The following CCDC102B variants were observed in gnomAD, a reference collection of about 807,000 sequenced individuals.
The protein encoded by CCDC102B is coiled-coil domain containing 102B.
Under a neutral mutation model 57.4 loss-of-function variants are expected in CCDC102B, and 75 were observed. The ratio of observed to expected loss-of-function variants is 1.31; its 90% CI spans 1.08 to 1.58. CCDC102B has a LOEUF of 1.58. Among genes scored for constraint, CCDC102B ranks in the 40% most tolerant of loss-of-function variants. CCDC102B has a pLI of 0.00. For synonymous variants in CCDC102B, 206 were observed against 201.9 expected (o/e 1.02, Z -0.17); for missense variants, 636 against 582.6 (o/e 1.09, Z -0.94).
intron 5 of CCDC102B, among the ~76,000 whole-genome samples, chr18:68,896,185 T>C (rs886169357): frequency 6.6e-6 from 1 of 151,994 alleles, no homozygotes; most frequent in Admixed American, 6.6e-5. Context: ...CTACTTACAA[T>C]GTCCACAGAA....
chr18:68,979,841 A>G (rs2050533322), intron 6 of CCDC102B, among the ~76,000 whole-genome samples: 1 of 152,002 alleles, frequency 6.6e-6, no homozygotes, highest in Non-Finnish European at 1.5e-5. Context: ...AGTGGCTAAA[A>G]GGCCTAAAAA....
chr18:68,814,348 G>C (rs1041701679), intron 1 of CCDC102B, among the ~76,000 whole-genome samples: 2 of 151,844 alleles, frequency 1.3e-5, no homozygotes, highest in Non-Finnish European at 2.9e-5. Flanking sequence ...ATTCAATTTA[G>C]AGCATCTCTG....
At chr18:68,723,280 G>A (rs1293999450) in intron 2 of CCDC102B, among the ~76,000 whole-genome samples, 1 of 152,050 alleles carries the variant, frequency 6.6e-6, no homozygotes, top group African/African-American at 2.4e-5. Context: ...ATGAGATTTG[G>A]GTGGGGACAC....
At chr18:69,011,133 G>C (rs764007664) in intron 7 of CCDC102B, 29 bp downstream of exon 7, 1 of 1,590,662 alleles carries the variant, frequency 6.3e-7, no homozygotes, top group South Asian at 1.1e-5. Flanking sequence ...ACACGTGCTG[G>C]ACAGCTTCTA....
chr18:68,818,033 T>G (rs1387524174), intron 1 of CCDC102B, among the ~76,000 whole-genome samples: 1 of 152,222 alleles, frequency 6.6e-6, no homozygotes, highest in Non-Finnish European at 1.5e-5. Context: ...TTCATTACTA[T>G]TTTGTATTTT....
chr18:68,798,735 G>A (rs755255815), intron 1 of CCDC102B, among the ~76,000 whole-genome samples: 43 of 152,174 alleles, frequency 2.8e-4, no homozygotes, highest in Non-Finnish European at 5.6e-4. Context: ...CCTGTATAGT[G>A]TGGAGGAGAC....
intron 6 of CCDC102B, among the ~76,000 whole-genome samples, chr18:68,898,146 A>G (rs1401407049): frequency 6.6e-6 from 1 of 152,016 alleles, no homozygotes; most frequent in African/African-American, 2.4e-5. Flanking sequence ...TGTGCTGTAA[A>G]TTATATTTAC....
intron 5 of CCDC102B, 29 bp from the exon 6 acceptor site, chr18:68,897,190 T>C (rs1349726019): frequency 6.3e-7 from 1 of 1,579,700 alleles, no homozygotes; most frequent in Admixed American, 1.8e-5. Flanking sequence ...AAATGCTGCA[T>C]GCTGCTTCTT....
intron 6 of CCDC102B, among the ~76,000 whole-genome samples, chr18:68,961,856 T>G (rs1174000995): frequency 3.9e-5 from 6 of 152,132 alleles, no homozygotes; most frequent in African/African-American, 1.4e-4. Context: ...TCGTGGATTT[T>G]AATAGAAATC....
chr18:68,733,953 T>C (rs1468589338), intron 2 of CCDC102B, among the ~76,000 whole-genome samples: 3 of 152,214 alleles, frequency 2.0e-5, no homozygotes, highest in African/African-American at 7.2e-5. Flanking sequence ...TGGCTGCGTT[T>C]CTGCGTTTCC....
At chr18:68,744,899 C>T (rs2033552184) in intron 2 of CCDC102B, among the ~76,000 whole-genome samples, 2 of 152,182 alleles carry the variant, frequency 1.3e-5, no homozygotes, top group Non-Finnish European at 2.9e-5. Context: ...GTAGTTAGCA[C>T]TGGGGATGCA....
intron 1 of CCDC102B, among the ~76,000 whole-genome samples, chr18:68,815,658 C>T (rs1312323361): frequency 7.5e-6 from 1 of 133,376 alleles, no homozygotes; most frequent in Non-Finnish European, 1.6e-5. Context: ...ATTCCAGCCA[C>T]CCTTCACCTC....
intron 1 of CCDC102B, among the ~76,000 whole-genome samples, chr18:68,814,951 G>A (rs565846156): frequency 1.3e-5 from 2 of 152,122 alleles, no homozygotes; most frequent in South Asian, 4.2e-4. Context: ...TAAAGTTTTT[G>A]ATCCACTAGT....
chr18:68,937,875 G>T (rs1216208323), intron 6 of CCDC102B, among the ~76,000 whole-genome samples: 1 of 151,800 alleles, frequency 6.6e-6, no homozygotes, highest in African/African-American at 2.4e-5. Context: ...TTCTGTTCTT[G>T]TGATAGTTTG....
chr18:68,956,547 ATAAATAT>A lies in CCDC102B; in HGVS notation c.1264-54384_1264-54378del, dbSNP rs1473014432. ...TATATATATTATATATTTTATATAT[ATAAATAT>A]TATATATATTATATATTTTATATAT... is the stretch of plus-strand genomic sequence containing the variant. On this transcript the variant is annotated intron_variant, in intron 6 of 7. Coordinates refer to ENST00000360242, the MANE Select transcript of CCDC102B (RefSeq NM_024781.3). Among the ~76,000 whole-genome samples, 9 of 1,662 alleles carry A rather than the reference ATAAATAT, an allele frequency of 5.4e-3. 2 individuals carry two copies. In the East Asian group the frequency reaches 0.25, roughly 46 times the overall value. 1.1% of individuals were successfully genotyped at this position (1,662 alleles called of 152,430 possible). A position where few individuals can be genotyped will look rare whatever the true frequency, so the allele number is the denominator to read the frequency against.
intron 6 of CCDC102B, among the ~76,000 whole-genome samples, chr18:68,996,724 C>A (rs2051038309): frequency 6.6e-6 from 1 of 152,114 alleles, no homozygotes; most frequent in South Asian, 2.1e-4. Context: ...GGCTCATAGG[C>A]AGAAATGACT....
chr18:69,029,369 A>G (rs1446678760), intron 7 of CCDC102B, among the ~76,000 whole-genome samples: 1 of 152,214 alleles, frequency 6.6e-6, no homozygotes, highest in African/African-American at 2.4e-5. Flanking sequence ...CCATGCTACC[A>G]TCTTTTAAAG....
chr18:68,799,149 A>G (rs1481450476), intron 1 of CCDC102B, among the ~76,000 whole-genome samples: 2 of 152,094 alleles, frequency 1.3e-5, no homozygotes, highest in Non-Finnish European at 2.9e-5. Context: ...GCCAATAAAT[A>G]TTTTTATATA....
chr18:69,034,073 T>A (rs918864757), intron 7 of CCDC102B, among the ~76,000 whole-genome samples: 18 of 152,150 alleles, frequency 1.2e-4, no homozygotes, highest in African/African-American at 4.3e-4. Context: ...GTGGTTTTTT[T>A]AATTACTATT....
Sources: gnomAD v4.1 joint callset for allele counts (sites outside exome capture counted in the v4.1 genomes callset) on GRCh38, gnomAD v4.1.1 for gene constraint, MANE v1.5 for transcripts, NCBI Gene and HGNC (gene_info 2026-07-23, HGNC 2026-07-21) for gene names.